FARS2: variants seen among roughly 807,000 people sequenced by gnomAD.
The protein encoded by FARS2 is phenylalanine--tRNA ligase, mitochondrial.
Under a neutral mutation model 46.4 loss-of-function variants are expected in FARS2, and 40 were observed. That is an observed-to-expected ratio of 0.86 (90% CI 0.67 to 1.12). The LOEUF (loss-of-function observed/expected upper bound fraction) is 1.12, where lower values mean the gene tolerates loss of function less well. Ranked by LOEUF, FARS2 falls within the 50% of genes most tolerant of loss-of-function variation. The pLI, the probability that FARS2 is intolerant of heterozygous loss-of-function variation, is 0.00. For missense variants in FARS2, 513 were observed against 567.9 expected, an observed-to-expected ratio of 0.90 and a Z score of 0.98; for synonymous variants, 234 against 214.9, an observed-to-expected ratio of 1.09 and a Z score of -0.78.
At chr6:5,556,416 TCA>T (rs370718167) in intron 5 of FARS2, among the ~76,000 whole-genome samples, 1 of 152,062 alleles carries the variant, frequency 6.6e-6, no homozygotes, top group East Asian at 1.9e-4. Flanking sequence ...CTCCTGATTC[TCA>T]GTCCCTTGTA....
rs143654686 is a variant in FARS2 at position 5,301,802 on chromosome 6, T to TACACACACAC, written c.-22+40178_-22+40187dup. On this transcript the variant is annotated intron_variant, in intron 1 of 6. Transcript: ENST00000274680. Reference sequence around the variant, plus strand: ...AGTAAGATGCTATCTCACACACACATACACACACACACACACACACACACA... The same window carrying TACACACACAC: ...AGTAAGATGCTATCTCACACACACATACACACACACACACACACACACACACACACACACA... Among the ~76,000 whole-genome samples the TACACACACAC allele has an allele frequency of 1.5e-3, 197 of 132,426 alleles. 2 individuals are homozygous for TACACACACAC. Among genetic ancestry groups the TACACACACAC allele is most frequent in the Middle Eastern group, 0.011 (3 of 266 alleles). The allele number at this position is 132,426 out of a possible 152,430, so 86.9% of individuals were successfully genotyped here.
At chr6:5,604,745 G>A (rs1432547244) in intron 5 of FARS2, among the ~76,000 whole-genome samples, 8 of 151,556 alleles carry the variant, frequency 5.3e-5, no homozygotes, top group Non-Finnish European at 1.2e-4. Context: ...GTACATACAT[G>A]TATATATCAT....
intron 6 of FARS2, among the ~76,000 whole-genome samples, chr6:5,688,861 T>TA (rs1456684387): frequency 6.6e-6 from 1 of 152,194 alleles, no homozygotes; most frequent in Non-Finnish European, 1.5e-5. Flanking sequence ...AGCTATTAAT[T>TA]ATTGCCTCAA....
At position 5,771,283 on chromosome 6, in the gene FARS2, C is replaced by G. The variant is rs1370705555; in HGVS notation, c.1218-8C>G. ...CCGCACTCACCTGTGTTCTCTTCCT[C>G]TCTGTAGGACGCACAAGACCAGCCA... On this transcript the variant is annotated splice_polypyrimidine_tract_variant and splice_region_variant and intron_variant, in intron 6 of 6. Transcript: ENST00000274680. 6.2e-7 allele frequency: 1 copy of G among 1,614,038 alleles called. No homozygotes were observed. The highest frequency in any genetic ancestry group is 8.5e-7 in the Non-Finnish European group (1 of 1,179,964).
intron 4 of FARS2, chr6:5,452,617 C>G (rs973869712): frequency 1.3e-5 from 2 of 152,254 alleles, no homozygotes; most frequent in Non-Finnish European, 1.5e-5. Flanking sequence ...GCACACCTAA[C>G]CTTTAGTGGG....
At chr6:5,536,995 A>G (rs918686642) in intron 4 of FARS2, among the ~76,000 whole-genome samples, 1 of 152,148 alleles carries the variant, frequency 6.6e-6, no homozygotes, top group African/African-American at 2.4e-5. Context: ...ACAATTACTC[A>G]CCTTCTAGCG....
At chr6:5,278,024 A>T (rs1049698070) in intron 1 of FARS2, among the ~76,000 whole-genome samples, 1 of 152,180 alleles carries the variant, frequency 6.6e-6, no homozygotes, top group Non-Finnish European at 1.5e-5. Flanking sequence ...TCCTTAAAGT[A>T]TACTTCATCT....
upstream of FARS2, among the ~76,000 whole-genome samples, chr6:5,259,658 G>C (rs957759349): frequency 7.9e-5 from 12 of 152,336 alleles, no homozygotes; most frequent in African/African-American, 2.9e-4. Context: ...TGTTCCAAGG[G>C]TAGGCTCTGC....
intron 2 of FARS2, among the ~76,000 whole-genome samples, chr6:5,387,025 A>G (rs1200508764): frequency 3.3e-5 from 5 of 152,192 alleles, no homozygotes; most frequent in African/African-American, 9.7e-5. Context: ...TGACAGTGGA[A>G]GGAAGGGAAG....
At chr6:5,317,463 T>C (rs1769613269) in intron 1 of FARS2, among the ~76,000 whole-genome samples, 1 of 152,200 alleles carries the variant, frequency 6.6e-6, no homozygotes, top group South Asian at 2.1e-4. Flanking sequence ...CTCTGAGTTC[T>C]TGGCTTTCCT....
rs1453656476 is a variant in FARS2 at position 5,527,755 on chromosome 6, C to T, written c.905-17425C>T. Among the ~76,000 whole-genome samples the T allele has an allele frequency of 2.0e-5, 3 of 152,190 alleles. No homozygotes were observed. In the East Asian group the frequency reaches 5.8e-4, roughly 29 times the overall value. On this transcript the variant is annotated intron_variant, in intron 4 of 6. Coordinates refer to ENST00000274680, the MANE Select transcript of FARS2 (RefSeq NM_006567.5). ...TCAAGCAACTAAAAACAAACCACAA[C>T]AAACAATCAAACAAAAACAACTTCT...
intron 6 of FARS2, among the ~76,000 whole-genome samples, chr6:5,656,384 T>C (rs1582684087): frequency 6.6e-6 from 1 of 152,248 alleles, no homozygotes; most frequent in South Asian, 2.1e-4. Context: ...TAACCTAGAA[T>C]TGGAAGTGTT....
At chr6:5,382,979 A>T (rs1759884320) in intron 2 of FARS2, among the ~76,000 whole-genome samples, 1 of 152,194 alleles carries the variant, frequency 6.6e-6, no homozygotes, top group Non-Finnish European at 1.5e-5. Flanking sequence ...GCTGAGGCCC[A>T]CCACACTGGG....
chr6:5,520,102 CTA>C (rs757201381), intron 4 of FARS2, among the ~76,000 whole-genome samples: 1 of 152,100 alleles, frequency 6.6e-6, no homozygotes, highest in African/African-American at 2.4e-5. Flanking sequence ...TGGCCTGGAA[CTA>C]AGGAGGAACC....
intron 6 of FARS2, among the ~76,000 whole-genome samples, chr6:5,689,649 G>A (rs1278927391): frequency 1.3e-5 from 2 of 151,960 alleles, no homozygotes; most frequent in Non-Finnish European, 2.9e-5. Context: ...TAGGTGTGGT[G>A]TGGTGCTGAA....
rs34688392 is a variant in FARS2, at chr6:5,454,197, A to AT, written c.904+23038dup. Among the ~76,000 whole-genome samples, 69 of 144,040 alleles carry AT rather than the reference A, an allele frequency of 4.8e-4. 1 individual carries two copies. Among genetic ancestry groups the AT allele is most frequent in the Admixed American group, 4.8e-4 (7 of 14,612 alleles). The allele number at this position is 144,040 out of a possible 152,430, so 94.5% of individuals were successfully genotyped here. A position where few individuals can be genotyped will look rare whatever the true frequency, so the allele number is the denominator to read the frequency against. On this transcript the variant is annotated intron_variant, in intron 4 of 6. Transcript: ENST00000274680. ...TTTGGGGTTACTAAGTTCTCCCTCC[A>AT]TTTTTTTTTTTTTAGACCCATGGAC...
chr6:5,771,414 G>A lies in FARS2; in HGVS notation c.1341G>A (p.Val447=), dbSNP rs761654230. 2 of 1,614,002 alleles carry A rather than the reference G, an allele frequency of 1.2e-6. No homozygotes were observed. Among genetic ancestry groups the A allele is most frequent in the South Asian group, 1.1e-5 (1 of 91,034 alleles). Residue 447 remains valine, a synonymous_variant, in exon 7 of 7, where the codon GTG becomes GTA. Transcript: ENST00000274680. The part of the protein sequence containing the change: ...LQEAAVQLLG[V]EGRF ...AGGCTGCAGTCCAGCTGTTGGGTGT[G>A]GAGGGCAGGTTCTGATGTCACCACT...
rs6914272 is a variant in FARS2, at chr6:5,730,401, A to C, written c.1218-40890A>C. On this transcript the variant is annotated intron_variant, in intron 6 of 6. Coordinates refer to ENST00000274680, the MANE Select transcript of FARS2 (RefSeq NM_006567.5). ...GAGGAAGAGAGATGCTGCTTTTTTG[A>C]GACCAGAGGGAAGGAAGAATGGTAA... Among the ~76,000 whole-genome samples the C allele has an allele frequency of 7.2e-3, 1,096 of 152,294 alleles. 16 individuals are homozygous for C. The highest frequency in any genetic ancestry group is 0.025 in the African/African-American group (1,039 of 41,558).
chr6:5,571,895 C>T (rs1174251352), intron 5 of FARS2, among the ~76,000 whole-genome samples: 2 of 152,120 alleles, frequency 1.3e-5, no homozygotes, highest in Non-Finnish European at 2.9e-5. Context: ...CCTCTAGCCT[C>T]ACTTCTTGTG....
Sources: allele counts gnomAD v4.1 joint callset (sites outside exome capture counted in the v4.1 genomes callset), GRCh38; gene constraint gnomAD v4.1.1; transcripts MANE v1.5; gene names NCBI Gene and HGNC (gene_info 2026-07-23, HGNC 2026-07-21).